RNF125: variants seen among roughly 807,000 people sequenced by gnomAD.
RNF125 encodes E3 ubiquitin-protein ligase RNF125.
A neutral mutation model predicts 26.0 loss-of-function variants in RNF125; 21 were observed. The observed-to-expected ratio is 0.81, with a 90% confidence interval of 0.57 to 1.16. RNF125 has a LOEUF of 1.16. RNF125 is among the 50% of genes most tolerant of loss of function. RNF125 has a pLI of 0.00. For missense variants in RNF125, 270 were observed against 299.4 expected (o/e 0.90, Z 0.72); for synonymous variants, 95 against 109.2 (o/e 0.87, Z 0.81).
At chr18:32,025,069 A>T (rs1353744359) in intron 1 of RNF125, among the ~76,000 whole-genome samples, 1 of 152,120 alleles carries the variant, frequency 6.6e-6, no homozygotes, top group African/African-American at 2.4e-5. Flanking sequence ...TTCTCAAAAA[A>T]ACAAAAACAA....
chr18:32,048,259 A>G (rs77157585), intron 4 of RNF125, among the ~76,000 whole-genome samples: 1 of 34,574 alleles, frequency 2.9e-5, no homozygotes, highest in Non-Finnish European at 5.6e-5. Context: ...TAAAAATACA[A>G]AAAAAAAAAA....
At chr18:32,037,867 A>G (rs2039174857) in intron 2 of RNF125, among the ~76,000 whole-genome samples, 1 of 152,090 alleles carries the variant, frequency 6.6e-6, no homozygotes, top group Non-Finnish European at 1.5e-5. Flanking sequence ...GAGGATTGGA[A>G]AAACTGCACT....
At chr18:32,039,348 A>G (rs565890911) in intron 2 of RNF125, among the ~76,000 whole-genome samples, 2 of 152,020 alleles carry the variant, frequency 1.3e-5, no homozygotes, top group East Asian at 3.9e-4. Flanking sequence ...GTAAACTATG[A>G]TCGTGCCACT....
chr18:32,082,679 C>G, the RNF125 span, among the ~76,000 whole-genome samples: 2 of 152,166 alleles, frequency 1.3e-5, no homozygotes, highest in Admixed American at 6.5e-5. Context: ...GCTGACCTGA[C>G]ATTTTTGGTG....
intron 1 of RNF125, 152 bp from the exon 2 acceptor site, chr18:32,036,964 G>C: frequency 1.6e-6 from 1 of 620,134 alleles, no homozygotes; most frequent in Non-Finnish European, 2.8e-6. Context: ...GCAATTCTCG[G>C]GAAGTGCAGG....
intron 2 of RNF125, 142 bp downstream of exon 2, chr18:32,037,411 AC>A: frequency 2.1e-6 from 1 of 476,934 alleles, no homozygotes; most frequent in Non-Finnish European, 3.3e-6. Context: ...TCGCTCTTTC[AC>A]CCAGGTTGGA....
rs202134819 is a variant in RNF125 at position 32,037,151 on chromosome 18, A to T, written c.200A>T (p.Asn67Ile). Residue 67 changes from asparagine (N) to isoleucine (I), a missense_variant, in exon 2 of 6, where the codon AAC (asparagine) becomes ATC (isoleucine). Physicochemically the swap from Asn to Ile is moderately radical, Grantham distance 149. Transcript: ENST00000217740. ...CRSCIATSLK[N>I]NKWTCPYCRA... Reference sequence around the variant, plus strand: ...TCCTGTATTGCTACCAGTCTAAAGAACAACAAGTGGACCTGTCCTTATTGC... The same window carrying T: ...TCCTGTATTGCTACCAGTCTAAAGATCAACAAGTGGACCTGTCCTTATTGC... 7 of 1,607,096 alleles carry T rather than the reference A, an allele frequency of 4.4e-6. No homozygotes were observed. The Admixed American group carries it at 1.2e-4, about 28-fold the overall frequency.
intron 4 of RNF125, among the ~76,000 whole-genome samples, chr18:32,065,205 CTGT>C (rs909962785): frequency 2.0e-5 from 3 of 151,958 alleles, no homozygotes; most frequent in Admixed American, 6.6e-5. Flanking sequence ...GAATGGTTAC[CTGT>C]TGTTGTTTTT....
the RNF125 span, among the ~76,000 whole-genome samples, chr18:32,078,562 C>A: frequency 4.6e-5 from 7 of 151,966 alleles, no homozygotes; most frequent in Admixed American, 1.3e-4. Context: ...ACTGTATAAG[C>A]CCAGGAGTTC....
At chr18:32,053,611 T>A (rs1192348552) in intron 4 of RNF125, among the ~76,000 whole-genome samples, 2 of 150,872 alleles carry the variant, frequency 1.3e-5, no homozygotes, top group African/African-American at 2.5e-5. Context: ...CATGGTGAAA[T>A]CCCATCTCTA....
At chr18:32,053,840 C>T (rs1301575442) in intron 4 of RNF125, among the ~76,000 whole-genome samples, 1 of 151,584 alleles carries the variant, frequency 6.6e-6, no homozygotes, top group African/African-American at 2.4e-5. Flanking sequence ...TGCCTTTATT[C>T]TTAATGGGAT....
In RNF125 at chr18:32,032,860, A is replaced by C. The variant is rs114199176; in HGVS notation, c.165-4256A>C. On this transcript the variant is annotated intron_variant, in intron 1 of 5. Transcript: ENST00000217740. ...CAGAGCAAGACATCTGGCAAAAAAA[A>C]CCAAAAAAACCCAAAACAAAACGAA... Among the ~76,000 whole-genome samples the C allele has an allele frequency of 9.3e-3, 1,417 of 152,236 alleles. 22 individuals carry two copies. Among genetic ancestry groups the C allele is most frequent in the African/African-American group, 0.031 (1,270 of 41,554 alleles).
At chr18:32,063,878 AT>A (rs1184465961) in intron 4 of RNF125, among the ~76,000 whole-genome samples, 1 of 152,046 alleles carries the variant, frequency 6.6e-6, no homozygotes, top group Non-Finnish European at 1.5e-5. Context: ...TAATAATAAT[AT>A]GGGGAACAGA....
chr18:32,055,002 T>C (rs191577835), intron 4 of RNF125, among the ~76,000 whole-genome samples: 6 of 152,284 alleles, frequency 3.9e-5, no homozygotes, highest in Admixed American at 1.3e-4. Flanking sequence ...CAAGCTAACA[T>C]AGCAAGAATT....
intron 2 of RNF125, among the ~76,000 whole-genome samples, 196 bp downstream of exon 2, chr18:32,037,465 A>G (rs62093939): frequency 0.33 from 46,355 of 141,960 alleles, 10,212 homozygotes; most frequent in African/African-American, 0.64. Context: ...TCCGCCTCCC[A>G]GGTTCAAGTG....
intron 4 of RNF125, among the ~76,000 whole-genome samples, chr18:32,064,376 G>A (rs111914031): frequency 7.1e-5 from 10 of 139,872 alleles, no homozygotes; most frequent in South Asian, 4.7e-4. Flanking sequence ...GGCAAAATCT[G>A]GTGAAATCTT....
the RNF125 span, among the ~76,000 whole-genome samples, chr18:32,079,162 G>C: frequency 6.6e-6 from 1 of 152,144 alleles, no homozygotes; most frequent in Non-Finnish European, 1.5e-5. Flanking sequence ...ACCATAGACT[G>C]GGTGACTTCA....
chr18:32,038,482 T>C (rs1321353172), intron 2 of RNF125, among the ~76,000 whole-genome samples: 1 of 152,226 alleles, frequency 6.6e-6, no homozygotes, highest in Non-Finnish European at 1.5e-5. Context: ...TGATCCTCTA[T>C]GATATGTCCT....
intron 4 of RNF125, among the ~76,000 whole-genome samples, chr18:32,064,403 T>TC (rs1252825897): frequency 8.2e-6 from 1 of 122,148 alleles, no homozygotes; most frequent in East Asian, 2.1e-4. Flanking sequence ...TTTCTTTTTT[T>TC]TTTTTTTTTT....
Sources: gnomAD v4.1 joint callset for allele counts (sites outside exome capture counted in the v4.1 genomes callset) on GRCh38, gnomAD v4.1.1 for gene constraint, MANE v1.5 for transcripts, NCBI Gene and HGNC (gene_info 2026-07-23, HGNC 2026-07-21) for gene names.